The following GLIPR2 variants were observed in gnomAD, a reference collection of about 807,000 sequenced individuals.
The protein encoded by GLIPR2 is Golgi-associated plant pathogenesis-related protein 1.
A neutral mutation model predicts 20.4 loss-of-function variants in GLIPR2; 21 were observed. That is an observed-to-expected ratio of 1.03 (90% CI 0.73 to 1.48). GLIPR2 has a LOEUF of 1.48. Ranked by LOEUF, GLIPR2 falls within the 40% of genes most tolerant of loss-of-function variation. The pLI is 0.00. For synonymous variants in GLIPR2, 91 were observed against 80.5 expected, an observed-to-expected ratio of 1.13 and a Z score of -0.70; for missense variants, 205 against 200.1, an observed-to-expected ratio of 1.02 and a Z score of -0.15.
At chr9:36,150,207 A>T (rs1411330171) in intron 3 of GLIPR2, among the ~76,000 whole-genome samples, 1 of 152,190 alleles carries the variant, frequency 6.6e-6, no homozygotes, top group Non-Finnish European at 1.5e-5. Flanking sequence ...GCAGAATCCT[A>T]GGTCCCTCTG....
chr9:36,151,170 C>G, intron 4 of GLIPR2: 1 of 560,246 alleles, frequency 1.8e-6, no homozygotes, highest in Non-Finnish European at 3.2e-6. Flanking sequence ...CTCTGAGGGC[C>G]ACCAGCTGGT....
chr9:36,140,050 C>A (rs1825005678), intron 1 of GLIPR2, among the ~76,000 whole-genome samples: 1 of 152,130 alleles, frequency 6.6e-6, no homozygotes, highest in Non-Finnish European at 1.5e-5. Flanking sequence ...AGGTTGAGTA[C>A]CTTGCCCAAG....
chr9:36,163,308 C>G lies in GLIPR2; in HGVS notation c.*786C>G, dbSNP rs765754287. The G allele has an allele frequency of 1.6e-5, 3 of 190,556 alleles. No homozygotes were observed. Among genetic ancestry groups the G allele is most frequent in the Non-Finnish European group, 2.2e-5 (2 of 91,884 alleles). The allele number at this position is 190,556 out of a possible 1,614,324, so 11.8% of individuals were successfully genotyped here. A position where few individuals can be genotyped will look rare whatever the true frequency, so the allele number is the denominator to read the frequency against. On this transcript the variant is annotated 3_prime_UTR_variant, in exon 5 of 5. Transcript: ENST00000377960. ...AGTTGGGCTAGGCCTGAAGCTCCCC[C>G]TCCCCCACCTCTGCTAGGCAGCCCA...
chr9:36,162,793 AT>A lies in GLIPR2; in HGVS notation c.*277del. ...AGGGGGGATCCGTTTTTTTTTTTTA[AT>A]TTTTTGTTATTTCTAAGCAAACCTC... On this transcript the variant is annotated 3_prime_UTR_variant, in exon 5 of 5. Coordinates refer to ENST00000377960, the MANE Select transcript of GLIPR2 (RefSeq NM_022343.4). 2.0e-6 allele frequency: 1 copy of A among 503,258 alleles called. No homozygotes were observed. The allele number at this position is 503,258 out of a possible 1,614,324, so 31.2% of individuals were successfully genotyped here.
chr9:36,163,498 T>G lies in GLIPR2; in HGVS notation c.*976T>G, dbSNP rs188182899. ...ACACAGGGCGGGAGCCCAGGCCTGT[T>G]CCTGGCAGCTGTGGCTGCAGCTGTG... On this transcript the variant is annotated 3_prime_UTR_variant, in exon 5 of 5. Transcript: ENST00000377960. 6.5e-6 allele frequency: 1 copy of G among 153,762 alleles called. No homozygotes were observed. Among genetic ancestry groups the G allele is most frequent in the African/African-American group, 2.4e-5 (1 of 41,480 alleles). The allele number at this position is 153,762 out of a possible 1,614,324, so 9.5% of individuals were successfully genotyped here.
chr9:36,136,704 G>C (rs1824830375), upstream of GLIPR2: 3 of 1,088,070 alleles, frequency 2.8e-6, no homozygotes, highest in African/African-American at 4.9e-5. This position sits in a 1 kb window ranked among gnomAD's most constrained non-coding sequence, Gnocchi z 4.3. Context: ...CCGGTCCTGG[G>C]CTCTGGGGCG....
At chr9:36,147,700 G>A (rs1297223825) in intron 1 of GLIPR2, 86 bp from the exon 2 acceptor site, 1 of 755,672 alleles carries the variant, frequency 1.3e-6, no homozygotes, top group African/African-American at 1.7e-5. Context: ...TAAGGTTTGA[G>A]CTGGGTGTTG....
At chr9:36,136,706 T>C, upstream of GLIPR2, 1 of 1,095,162 alleles carries the variant, frequency 9.1e-7, no homozygotes, top group Non-Finnish European at 1.2e-6. The surrounding 1 kb of genome is among the most constrained non-coding windows in gnomAD (Gnocchi z 4.3). Flanking sequence ...GGTCCTGGGC[T>C]CTGGGGCGGC....
At position 36,162,764 on chromosome 9, in the gene GLIPR2, G is replaced by T; in HGVS notation, c.*242G>T. On this transcript the variant is annotated 3_prime_UTR_variant, in exon 5 of 5. Transcript: ENST00000377960. Reference sequence around the variant, plus strand: ...CCTAGACCACGATTATTTGGATTGGGGGGAGGGGGGATCCGTTTTTTTTTT... The same window carrying T: ...CCTAGACCACGATTATTTGGATTGGTGGGAGGGGGGATCCGTTTTTTTTTT... 3 of 585,430 alleles carry T rather than the reference G, an allele frequency of 5.1e-6. No individual in the cohort carries two copies. In the South Asian group the frequency reaches 5.5e-5, roughly 11 times the overall value. The allele number at this position is 585,430 out of a possible 1,614,324, so 36.3% of individuals were successfully genotyped here.
At chr9:36,139,198 G>A (rs1824962395) in intron 1 of GLIPR2, among the ~76,000 whole-genome samples, 1 of 152,114 alleles carries the variant, frequency 6.6e-6, no homozygotes, top group Non-Finnish European at 1.5e-5. Context: ...CATGCCTGGA[G>A]ATGCAGGGTT....
At chr9:36,145,969 C>G (rs1825311929) in intron 1 of GLIPR2, 1 of 152,274 alleles carries the variant, frequency 6.6e-6, no homozygotes, top group Non-Finnish European at 1.5e-5. Context: ...TTCACCTTTT[C>G]CCCCACTGCA....
At position 36,162,919 on chromosome 9, in the gene GLIPR2, C is replaced by A. The variant is rs1157460107; in HGVS notation, c.*397C>A. 4.4e-6 allele frequency: 2 copies of A among 456,818 alleles called. No individual in the cohort carries two copies. Among genetic ancestry groups the A allele is most frequent in the East Asian group, 6.9e-5 (1 of 14,566 alleles). 28.3% of individuals were successfully genotyped at this position (456,818 alleles called of 1,614,324 possible). On this transcript the variant is annotated 3_prime_UTR_variant, in exon 5 of 5. Coordinates refer to ENST00000377960, the MANE Select transcript of GLIPR2 (RefSeq NM_022343.4). ...AAGTTCATTTTATGTGATCTTCATGCGTCGTAATCTACTTTTGGTAGATAA... is the reference window on the plus strand; with the variant it reads ...AAGTTCATTTTATGTGATCTTCATGAGTCGTAATCTACTTTTGGTAGATAA...
At chr9:36,138,064 G>A (rs1824907841) in intron 1 of GLIPR2, among the ~76,000 whole-genome samples, 1 of 152,240 alleles carries the variant, frequency 6.6e-6, no homozygotes, top group Non-Finnish European at 1.5e-5. Context: ...GTATGGAAAG[G>A]TGATATAATG....
intron 1 of GLIPR2, among the ~76,000 whole-genome samples, chr9:36,140,478 C>T (rs143517495): frequency 2.2e-4 from 33 of 152,280 alleles, no homozygotes; most frequent in African/African-American, 7.9e-4. Flanking sequence ...CCTTCCTTCA[C>T]ACACAGATGG....
chr9:36,161,692 C>A (rs61523758), intron 4 of GLIPR2, among the ~76,000 whole-genome samples: 1 of 151,820 alleles, frequency 6.6e-6, no homozygotes, highest in Non-Finnish European at 1.5e-5. Flanking sequence ...CCTCAGGTGT[C>A]AAGTAAGATG....
chr9:36,147,960 C>A, intron 2 of GLIPR2, 66 bp downstream of exon 2: 2 of 822,032 alleles, frequency 2.4e-6, no homozygotes, highest in Non-Finnish European at 4.3e-6. Flanking sequence ...CACAAAGGGG[C>A]CCTGTGGCCA....
At chr9:36,139,965 C>T (rs1307730276) in intron 1 of GLIPR2, among the ~76,000 whole-genome samples, 1 of 152,138 alleles carries the variant, frequency 6.6e-6, no homozygotes, top group African/African-American at 2.4e-5. Flanking sequence ...GCAAAGAGCT[C>T]AGTATTTTCT....
intron 1 of GLIPR2, among the ~76,000 whole-genome samples, chr9:36,142,794 C>G (rs1825146077): frequency 6.6e-6 from 1 of 152,072 alleles, no homozygotes; most frequent in South Asian, 2.1e-4. Flanking sequence ...CTACTGATAA[C>G]TTTGCCTCCC....
intron 4 of GLIPR2, among the ~76,000 whole-genome samples, chr9:36,151,999 G>A (rs1423429058): frequency 6.6e-6 from 1 of 152,204 alleles, no homozygotes; most frequent in African/African-American, 2.4e-5. Context: ...GGGTGCTCCA[G>A]AAGCAGGAAG....
Sources: gnomAD v4.1 joint callset for allele counts (sites outside exome capture counted in the v4.1 genomes callset) on GRCh38, gnomAD v4.1.1 for gene constraint, Gnocchi (gnomAD v3.1) non-coding constraint, MANE v1.5 for transcripts, NCBI Gene and HGNC (gene_info 2026-07-23, HGNC 2026-07-21) for gene names.